The following GRIN2B variants were observed in gnomAD, a reference collection of about 807,000 sequenced individuals.
GRIN2B encodes glutamate ionotropic receptor NMDA type subunit 2B.
A neutral mutation model predicts 114.5 loss-of-function variants in GRIN2B; 5 were observed. The ratio of observed to expected loss-of-function variants is 0.04; its 90% confidence interval spans 0.02 to 0.09. GRIN2B has a LOEUF of 0.09. Among genes scored for constraint, GRIN2B ranks in the 10% least tolerant of loss-of-function variants. The pLI, the probability that GRIN2B is intolerant of heterozygous loss-of-function variation, is 1.00. For missense variants in GRIN2B, 1,108 were observed against 1,943.5 expected, an observed-to-expected ratio of 0.57 and a Z score of 8.08; for synonymous variants, 787 against 745.1, an observed-to-expected ratio of 1.06 and a Z score of -0.92.
chr12:13,628,435 C>G (rs1358659677), intron 5 of GRIN2B, among the ~76,000 whole-genome samples: 2 of 152,174 alleles, frequency 1.3e-5, no homozygotes, highest in Non-Finnish European at 2.9e-5. Context: ...CTCTGAATTT[C>G]AAGTGTTTTC....
chr12:13,842,983 C>T (rs1162285919), intron 3 of GRIN2B, among the ~76,000 whole-genome samples: 5 of 104,080 alleles, frequency 4.8e-5, no homozygotes, highest in East Asian at 3.0e-4. Flanking sequence ...TAATTTTTTG[C>T]GGTGTTTTGT....
At chr12:13,863,688 GTC>G (rs1326411119) in intron 3 of GRIN2B, among the ~76,000 whole-genome samples, 34 of 152,220 alleles carry the variant, frequency 2.2e-4, no homozygotes, top group African/African-American at 7.7e-4. Context: ...AAAGAGTTCA[GTC>G]TCTCTGCATG....
intron 4 of GRIN2B, among the ~76,000 whole-genome samples, chr12:13,737,894 C>T (rs544179642): frequency 7.2e-5 from 11 of 152,244 alleles, no homozygotes; most frequent in African/African-American, 2.6e-4. Flanking sequence ...ATTACATTAC[C>T]CTACCCATAA....
intron 2 of GRIN2B, among the ~76,000 whole-genome samples, chr12:13,867,449 A>C (rs1825898694): frequency 1.3e-5 from 2 of 152,332 alleles, no homozygotes; most frequent in Non-Finnish European, 2.9e-5. Context: ...TTAAATAATC[A>C]GTGTTCACTA....
intron 10 of GRIN2B, among the ~76,000 whole-genome samples, chr12:13,605,355 A>G (rs946052704): frequency 2.6e-5 from 4 of 152,070 alleles, no homozygotes; most frequent in African/African-American, 4.8e-5. Flanking sequence ...TGATGAGTGA[A>G]AAAGTGGGGA....
At chr12:13,716,198 A>G (rs1950453630) in intron 4 of GRIN2B, among the ~76,000 whole-genome samples, 1 of 151,958 alleles carries the variant, frequency 6.6e-6, no homozygotes, top group Non-Finnish European at 1.5e-5. Context: ...AGTTCTGCAT[A>G]AAACAGCCTC....
At chr12:13,841,040 C>T (rs887184605) in intron 3 of GRIN2B, among the ~76,000 whole-genome samples, 2 of 152,126 alleles carry the variant, frequency 1.3e-5, no homozygotes, top group African/African-American at 4.8e-5. Context: ...CATGAGATTC[C>T]TGTACATCAA....
chr12:13,688,116 T>C (rs1950186774), intron 4 of GRIN2B, among the ~76,000 whole-genome samples: 1 of 152,142 alleles, frequency 6.6e-6, no homozygotes, highest in Non-Finnish European at 1.5e-5. Flanking sequence ...GTTGAATCCA[T>C]CCACTTCTGA....
chr12:13,630,826 TC>T (rs1484445970), intron 5 of GRIN2B, among the ~76,000 whole-genome samples: 2 of 152,208 alleles, frequency 1.3e-5, no homozygotes, highest in African/African-American at 4.8e-5. Context: ...AGCAATATTC[TC>T]ACACTGCTAA....
intron 4 of GRIN2B, among the ~76,000 whole-genome samples, chr12:13,737,359 C>A (rs1863204000): frequency 6.6e-6 from 1 of 151,874 alleles, no homozygotes; most frequent in Non-Finnish European, 1.5e-5. Flanking sequence ...CTACAGGCAC[C>A]TGACACCACC....
chr12:13,868,663 C>T (rs185731443), intron 2 of GRIN2B, among the ~76,000 whole-genome samples: 1 of 152,330 alleles, frequency 6.6e-6, no homozygotes, highest in East Asian at 1.9e-4. Flanking sequence ...CTCCACTCTC[C>T]CACTTTGATG....
chr12:13,778,979 T>C (rs1864055470), intron 3 of GRIN2B, among the ~76,000 whole-genome samples: 1 of 152,190 alleles, frequency 6.6e-6, no homozygotes, highest in Admixed American at 6.5e-5. Flanking sequence ...AGATATAATA[T>C]ATCCCATAAC....
chr12:13,689,406 C>T (rs2136555477), intron 4 of GRIN2B, among the ~76,000 whole-genome samples: 1 of 152,302 alleles, frequency 6.6e-6, no homozygotes, highest in Admixed American at 6.5e-5. Flanking sequence ...GTCTTGAAAT[C>T]TTCCAGCTGT....
intron 4 of GRIN2B, among the ~76,000 whole-genome samples, chr12:13,690,832 A>G (rs1011615658): frequency 4.6e-5 from 7 of 152,198 alleles, no homozygotes; most frequent in African/African-American, 1.7e-4. Flanking sequence ...TTAGAAACTC[A>G]AAGCATTGGG....
intron 4 of GRIN2B, among the ~76,000 whole-genome samples, chr12:13,748,317 A>G (rs534902966): frequency 8.5e-5 from 13 of 152,334 alleles, no homozygotes; most frequent in Admixed American, 2.0e-4. Flanking sequence ...GGCTCTCAGG[A>G]CAGAAAGAGA....
intron 4 of GRIN2B, among the ~76,000 whole-genome samples, chr12:13,685,263 C>A (rs1950167004): frequency 6.6e-6 from 1 of 152,298 alleles, no homozygotes; most frequent in East Asian, 1.9e-4. Flanking sequence ...ACAGTTCCTG[C>A]CCCATCTGTA....
rs1237527493 is a variant in GRIN2B at position 13,608,632 on chromosome 12, C to T, written c.1981G>A (p.Asp661Asn). ...AAFMIQEEYV[D>N]QVSGLSDKKF... ...TTGTCGCTCAGGCCAGAAACCTGGTCCACATATTCCTCTTGGATCATGAAG... is the reference window on the plus strand; with the variant it reads ...TTGTCGCTCAGGCCAGAAACCTGGTTCACATATTCCTCTTGGATCATGAAG... The change falls in exon 10 of 14, where the codon GAC becomes AAC. Residue 661 changes from aspartate (D) to asparagine (N), a missense_variant. By Grantham distance (23) the Asp-to-Asn change is conservative (BLOSUM62 1). Around this residue, in one of 19 missense-constraint regions of GRIN2B, gnomAD observed 8 missense variants for 87.9 expected, o/e 0.09. Coordinates refer to ENST00000609686, the MANE Select transcript of GRIN2B (RefSeq NM_000834.5). The T allele has an allele frequency of 6.2e-7, 1 of 1,614,012 alleles. No individual in the cohort carries two copies. The highest frequency in any genetic ancestry group is 8.5e-7 in the Non-Finnish European group (1 of 1,179,908).
chr12:13,677,030 C>T (rs1950081248), intron 4 of GRIN2B, among the ~76,000 whole-genome samples: 1 of 152,200 alleles, frequency 6.6e-6, no homozygotes, highest in African/African-American at 2.4e-5. Context: ...ATCTGATGAG[C>T]AGTCCCTTCA....
intron 2 of GRIN2B, among the ~76,000 whole-genome samples, chr12:13,967,975 G>A (rs1867815417): frequency 6.6e-6 from 1 of 152,186 alleles, no homozygotes; most frequent in African/African-American, 2.4e-5. Flanking sequence ...TAAAAGATAA[G>A]CCTGGAAAAA....
Sources: gnomAD v4.1 joint callset for allele counts (sites outside exome capture counted in the v4.1 genomes callset) on GRCh38, gnomAD v4.1.1 for gene constraint, gnomAD v4.1.1 regional missense constraint, MANE v1.5 for transcripts, NCBI Gene and HGNC (gene_info 2026-07-23, HGNC 2026-07-21) for gene names.